NRG1: variants seen among roughly 807,000 people sequenced by gnomAD.
NRG1 encodes neuregulin 1, also known as pro-neuregulin-1, membrane-bound isoform.
A neutral mutation model predicts 63.8 loss-of-function variants in NRG1; 18 were observed. The observed-to-expected ratio is 0.28, with a 90% confidence interval of 0.19 to 0.42. The LOEUF is 0.42. Among genes scored for constraint, NRG1 ranks in the 10% least tolerant of loss-of-function variants. NRG1 has a pLI of 1.00. For missense variants in NRG1, 762 were observed against 814.7 expected, an observed-to-expected ratio of 0.94 and a Z score of 0.79; for synonymous variants, 302 against 301.3, an observed-to-expected ratio of 1.00 and a Z score of -0.02.
chr8:32,485,033 A>G (rs73234105), intron 1 of NRG1, among the ~76,000 whole-genome samples: 4,812 of 152,278 alleles, frequency 0.032, 105 homozygotes, highest in Middle Eastern at 0.065. Flanking sequence ...CTTGAAATTG[A>G]AATTGAAATT....
intron 1 of NRG1, among the ~76,000 whole-genome samples, chr8:32,492,199 T>A (rs923744896): frequency 5.9e-5 from 9 of 152,078 alleles, no homozygotes; most frequent in African/African-American, 1.7e-4. Context: ...CCTAGCACAA[T>A]GTTGAGCACA....
At chr8:31,970,393 A>T (rs1807081887) in intron 1 of NRG1, among the ~76,000 whole-genome samples, 1 of 152,146 alleles carries the variant, frequency 6.6e-6, no homozygotes, top group Admixed American at 6.5e-5. Context: ...CTGGGTTACA[A>T]ATAAATGGTT....
At chr8:32,620,521 G>GA (rs57462564) in intron 5 of NRG1, among the ~76,000 whole-genome samples, 156 of 122,184 alleles carry the variant, frequency 1.3e-3, no homozygotes, top group African/African-American at 2.5e-3. Context: ...TGGATTAGAA[G>GA]AAAAAAAAAA....
chr8:32,738,079 G>C (rs1172612024), intron 6 of NRG1, among the ~76,000 whole-genome samples: 1 of 152,126 alleles, frequency 6.6e-6, no homozygotes, highest in African/African-American at 2.4e-5. Context: ...GCCAGGCATT[G>C]TGCTAGGCAT....
At chr8:32,730,214 G>GAGGCAGAC (rs1435552832) in intron 6 of NRG1, among the ~76,000 whole-genome samples, 2 of 152,134 alleles carry the variant, frequency 1.3e-5, no homozygotes, top group Non-Finnish European at 2.9e-5. Flanking sequence ...TTAAGAGGCC[G>GAGGCAGAC]AGGCAGACGG....
intron 1 of NRG1, among the ~76,000 whole-genome samples, chr8:32,369,390 T>G (rs1464765495): frequency 1.3e-5 from 2 of 152,232 alleles, no homozygotes; most frequent in Non-Finnish European, 2.9e-5. Flanking sequence ...CTCAGCATCT[T>G]CTTGTGCTTT....
At chr8:31,770,131 A>C (rs1818466742) in intron 1 of NRG1, among the ~76,000 whole-genome samples, 1 of 152,164 alleles carries the variant, frequency 6.6e-6, no homozygotes, top group South Asian at 2.1e-4. Context: ...CTTGGCAGGT[A>C]GGTTGGGGTT....
chr8:32,681,320 C>T (rs998633511), intron 5 of NRG1, among the ~76,000 whole-genome samples: 4 of 152,076 alleles, frequency 2.6e-5, no homozygotes, highest in Non-Finnish European at 4.4e-5. Flanking sequence ...AGGTTCTTTA[C>T]GTGTTCTTCT....
intron 1 of NRG1, among the ~76,000 whole-genome samples, chr8:31,696,202 G>A (rs1436423877): frequency 6.6e-6 from 1 of 152,150 alleles, no homozygotes; most frequent in Non-Finnish European, 1.5e-5. Flanking sequence ...AAGTAGCTGG[G>A]ATTACAGGCA....
At chr8:31,687,834 A>G (rs1405710050) in intron 1 of NRG1, among the ~76,000 whole-genome samples, 1 of 152,234 alleles carries the variant, frequency 6.6e-6, no homozygotes, top group Non-Finnish European at 1.5e-5. Flanking sequence ...AACCACCTCC[A>G]TTAGTAAATG....
At position 32,594,140 on chromosome 8, in the gene NRG1, G is replaced by A. The variant is rs1030704782; in HGVS notation, c.101-1688G>A. Among the ~76,000 whole-genome samples, 11 of 152,268 alleles carry A rather than the reference G, an allele frequency of 7.2e-5. No homozygotes were observed. The East Asian group carries it at 9.7e-4, about 13-fold the overall frequency. Reference sequence around the variant, plus strand: ...GGATTTACTTGGCAAGGGCAGAATCGTAGAAAAACAAATAGAGTTCCCTGA... The same window carrying A: ...GGATTTACTTGGCAAGGGCAGAATCATAGAAAAACAAATAGAGTTCCCTGA... On this transcript the variant is annotated intron_variant, in intron 1 of 11. Coordinates refer to ENST00000356819, the Ensembl canonical transcript of NRG1.
At chr8:31,940,300 CATT>C (rs1047199811) in intron 1 of NRG1, among the ~76,000 whole-genome samples, 3 of 152,018 alleles carry the variant, frequency 2.0e-5, no homozygotes, top group Admixed American at 2.0e-4. Flanking sequence ...CCTGAATGAT[CATT>C]GAGTCAACAA....
intron 5 of NRG1, among the ~76,000 whole-genome samples, chr8:32,632,068 G>A (rs1481487965): frequency 6.6e-6 from 1 of 152,130 alleles, no homozygotes; most frequent in Non-Finnish European, 1.5e-5. Context: ...ACTTCAAAGT[G>A]TTTATAAACT....
chr8:32,547,728 C>T (rs1833240415), upstream of NRG1, among the ~76,000 whole-genome samples: 1 of 152,116 alleles, frequency 6.6e-6, no homozygotes, highest in South Asian at 2.1e-4. Context: ...AAACTCCCTT[C>T]CACCTAGAGT....
chr8:32,759,584 A>G, intron 10 of NRG1, 148 bp downstream of exon 10: 1 of 984,114 alleles, frequency 1.0e-6, no homozygotes, highest in South Asian at 1.9e-5. Context: ...TTTGCCCTTA[A>G]TTCCTGCATA....
At chr8:32,163,309 C>T (rs1395608318) in intron 1 of NRG1, among the ~76,000 whole-genome samples, 3 of 152,110 alleles carry the variant, frequency 2.0e-5, no homozygotes, top group Non-Finnish European at 4.4e-5. Context: ...AATGAGTTTC[C>T]AGCCCTCAAG....
intron 1 of NRG1, among the ~76,000 whole-genome samples, chr8:32,059,755 A>G (rs1218569709): frequency 3.3e-5 from 5 of 152,114 alleles, no homozygotes; most frequent in African/African-American, 1.2e-4. Context: ...TTATTACAAT[A>G]TACACTCAAG....
At chr8:31,678,533 T>G (rs1807966948) in intron 1 of NRG1, among the ~76,000 whole-genome samples, 1 of 152,000 alleles carries the variant, frequency 6.6e-6, no homozygotes, top group Non-Finnish European at 1.5e-5. Flanking sequence ...TTGTTTCTAT[T>G]TGGTTTCTTC....
intron 1 of NRG1, among the ~76,000 whole-genome samples, chr8:32,525,743 A>T (rs571504429): frequency 1.3e-5 from 2 of 152,128 alleles, no homozygotes; most frequent in East Asian, 3.9e-4. Flanking sequence ...CTTTCCTCCT[A>T]GCTTCCTTGG....
Sources: gnomAD v4.1 joint callset for allele counts (sites outside exome capture counted in the v4.1 genomes callset) on GRCh38, gnomAD v4.1.1 for gene constraint, MANE v1.5 for transcripts, NCBI Gene and HGNC (gene_info 2026-07-23, HGNC 2026-07-21) for gene names.